The following SLC6A9 variants were observed in gnomAD, a reference collection of about 807,000 sequenced individuals.
SLC6A9 encodes the protein sodium- and chloride-dependent glycine transporter 1.
In SLC6A9, 31 loss-of-function variants were observed where a neutral mutation model predicts 70.9. The observed-to-expected ratio is 0.44, with a 90% CI of 0.33 to 0.59. SLC6A9 has a LOEUF of 0.59. Among genes scored for constraint, SLC6A9 ranks in the 20% least tolerant of loss-of-function variants. SLC6A9 has a pLI of 0.04. For missense variants in SLC6A9, 631 were observed against 845.2 expected, an observed-to-expected ratio of 0.75 and a Z score of 3.14; for synonymous variants, 310 against 341.3, an observed-to-expected ratio of 0.91 and a Z score of 1.01.
chr1:44,028,874 T>G (rs931753738), intron 1 of SLC6A9, among the ~76,000 whole-genome samples: 24 of 151,114 alleles, frequency 1.6e-4, no homozygotes, highest in Non-Finnish European at 3.2e-4. Context: ...GTTAGGAAGG[T>G]GACAATAGGG....
intron 2 of SLC6A9, among the ~76,000 whole-genome samples, chr1:44,021,434 T>C (rs770789804): frequency 2.0e-5 from 3 of 152,150 alleles, no homozygotes; most frequent in African/African-American, 4.8e-5. Flanking sequence ...TTGTTACCCA[T>C]GGGGCACTGG....
rs192630770 is a variant in SLC6A9, at chr1:44,008,545, T to A, written c.398A>T (p.Tyr133Phe). 8.2e-5 allele frequency: 133 copies of A among 1,613,722 alleles called. No individual in the cohort carries two copies. In the East Asian group the frequency reaches 2.8e-3, roughly 34 times the overall value. ...CACGTGCGTCATGGACGAGAAGAAG[T>A]AGTAGAAGGCGATGCAGATGACCAC... ...YNVVICIAFYYFFSSMTHVLP... is the reference protein window; with the variant it reads ...YNVVICIAFYFFFSSMTHVLP... Residue 133 changes from tyrosine to phenylalanine, a missense_variant, in exon 5 of 14, where the codon TAC becomes TTC. By Grantham distance (22) the Tyr-to-Phe change is conservative (BLOSUM62 3). Coordinates refer to ENST00000372310, the MANE Select transcript of SLC6A9 (RefSeq NM_001024845.3).
intron 1 of SLC6A9, among the ~76,000 whole-genome samples, chr1:44,027,661 C>T (rs1225852923): frequency 6.6e-6 from 1 of 152,198 alleles, no homozygotes; most frequent in Non-Finnish European, 1.5e-5. Context: ...AAGAGTTAAA[C>T]CAATGACTAA....
At chr1:44,023,619 G>A (rs1318282713) in intron 2 of SLC6A9, among the ~76,000 whole-genome samples, 1 of 152,058 alleles carries the variant, frequency 6.6e-6, no homozygotes, top group African/African-American at 2.4e-5. Context: ...ACTCTAGCCT[G>A]GGCAACAGAG....
chr1:44,000,858 T>G lies in SLC6A9; in HGVS notation c.1445A>C (p.Asn482Thr). The G allele has an allele frequency of 6.2e-7, 1 of 1,608,868 alleles. No individual in the cohort carries two copies. The highest frequency in any genetic ancestry group is 8.5e-7 in the Non-Finnish European group (1 of 1,177,448). Residue 482 changes from asparagine to threonine, a missense_variant, in exon 12 of 14, where the codon AAC (asparagine) becomes ACC (threonine). Transcript: ENST00000372310. Reference sequence around the variant, plus strand: ...CATCATCTGGATGTCCTGGAAGTAGTTCCGGTGCCCTGGAGAGATGGGGGG... The same window carrying G: ...CATCATCTGGATGTCCTGGAAGTAGGTCCGGTGCCCTGGAGAGATGGGGGG... Reference protein sequence around the residue: ...VAIMYIYGHRNYFQDIQMMLG... With the variant: ...VAIMYIYGHRTYFQDIQMMLG...
At chr1:44,006,765 T>C (rs544859791) in intron 5 of SLC6A9, among the ~76,000 whole-genome samples, 2 of 152,304 alleles carry the variant, frequency 1.3e-5, no homozygotes, top group East Asian at 3.9e-4. Context: ...AGCAACTGTG[T>C]TCTCTATGCT....
chr1:44,002,800 G>A lies in SLC6A9; in HGVS notation c.723+53C>T. The A allele has an allele frequency of 6.2e-7, 1 of 1,609,012 alleles. No homozygotes were observed. Among genetic ancestry groups the A allele is most frequent in the African/African-American group, 1.3e-5 (1 of 74,912 alleles). On this transcript the variant is annotated intron_variant, in intron 6 of 13. Coordinates refer to ENST00000372310, the MANE Select transcript of SLC6A9 (RefSeq NM_001024845.3). This position sits in a 1 kb window ranked among gnomAD's most constrained non-coding sequence, Gnocchi z 5.5. ...CTGCAATACACACATAACCCAGGTA[G>A]GGGGCAGGGTCTTTCTGGGTGGGCA...
At chr1:44,004,958 C>A (rs996723839) in intron 5 of SLC6A9, among the ~76,000 whole-genome samples, 30 of 152,206 alleles carry the variant, frequency 2.0e-4, no homozygotes, top group African/African-American at 7.0e-4. Flanking sequence ...AGAACAGGAC[C>A]CTCAGGAACA....
rs557225450 is a variant in SLC6A9 at position 44,002,043 on chromosome 1, C to T, written c.962+270G>A. ...AAGCACTGAGCCTGGCCCCCAACTC[C>T]TTTTCTGGTCTGTTCTGGGCATTTT... On this transcript the variant is annotated intron_variant, in intron 8 of 13. Coordinates refer to ENST00000372310, the MANE Select transcript of SLC6A9 (RefSeq NM_001024845.3). The surrounding 1 kb of genome is among the most constrained non-coding windows in gnomAD (Gnocchi z 5.5). 6.6e-6 allele frequency among the ~76,000 whole-genome samples: 1 copy of T among 152,278 alleles called. No homozygotes were observed. The highest frequency in any genetic ancestry group is 2.4e-5 in the African/African-American group (1 of 41,570).
In SLC6A9 at chr1:43,997,176, G is replaced by A. The variant is rs1022982529; in HGVS notation, c.*369C>T. 3 of 258,064 alleles carry A rather than the reference G, an allele frequency of 1.2e-5. No individual in the cohort carries two copies. The highest frequency in any genetic ancestry group is 6.9e-5 in the African/African-American group (3 of 43,234). 16.0% of individuals were successfully genotyped at this position (258,064 alleles called of 1,614,324 possible). A position where few individuals can be genotyped will look rare whatever the true frequency, so the allele number is the denominator to read the frequency against. ...AGGCTGGGGTCGGCTCTGAGGGCAG[G>A]AGCACTAGTCATGGGGCTGGAGGCC... On this transcript the variant is annotated 3_prime_UTR_variant, in exon 14 of 14. Transcript: ENST00000372310. The surrounding 1 kb of genome is among the most constrained non-coding windows in gnomAD (Gnocchi z 4.4).
chr1:44,004,158 C>T (rs566771971), intron 5 of SLC6A9, among the ~76,000 whole-genome samples: 2 of 152,034 alleles, frequency 1.3e-5, no homozygotes, highest in South Asian at 2.1e-4. Context: ...ATACGCTGGG[C>T]TAATTTTTGT....
rs34308293 is a variant in SLC6A9 at position 44,003,748 on chromosome 1, C to CAA, written c.591-765_591-764dup. Among the ~76,000 whole-genome samples the CAA allele has an allele frequency of 5.7e-3, 407 of 71,862 alleles. 3 individuals carry two copies. The highest frequency in any genetic ancestry group is 0.042 in the East Asian group (104 of 2,494). 47.1% of individuals were successfully genotyped at this position (71,862 alleles called of 152,430 possible). ...GGGCAACAAAGCAAAAGTCCAATCT[C>CAA]AAAAAAAAAAAAAAAAAAAAAAAAG... On this transcript the variant is annotated intron_variant, in intron 5 of 13. Coordinates refer to ENST00000372310, the MANE Select transcript of SLC6A9 (RefSeq NM_001024845.3).
rs1306273422 is a variant in SLC6A9, at chr1:44,017,060, G to A, written c.31-6178C>T. ...AAGGTGACTGACCTGTTCTGGGGAA[G>A]AGGGGGCCACAGGTCCATGAGCCGC... On this transcript the variant is annotated intron_variant, in intron 2 of 13. Coordinates refer to ENST00000372310, the MANE Select transcript of SLC6A9 (RefSeq NM_001024845.3). 6.3e-7 allele frequency: 1 copy of A among 1,599,692 alleles called. No individual in the cohort carries two copies. Among genetic ancestry groups the A allele is most frequent in the Non-Finnish European group, 8.5e-7 (1 of 1,174,856 alleles).
At chr1:43,998,097 G>T (rs1011797988) in intron 12 of SLC6A9, 72 bp from the exon 13 acceptor site, 6 of 1,392,790 alleles carry the variant, frequency 4.3e-6, no homozygotes, top group Non-Finnish European at 5.9e-6. Flanking sequence ...CCCTCTACCA[G>T]CACCCTTTCC....
intron 2 of SLC6A9, chr1:44,017,397 AC>A (rs1308363557): frequency 2.5e-5 from 30 of 1,222,454 alleles, no homozygotes; most frequent in Non-Finnish European, 3.0e-5. Context: ...ACACACACAC[AC>A]ACACACACAC....
chr1:44,004,457 C>T (rs1283858790), intron 5 of SLC6A9, among the ~76,000 whole-genome samples: 2 of 151,290 alleles, frequency 1.3e-5, no homozygotes, highest in African/African-American at 4.9e-5. Flanking sequence ...TCGATCCTCC[C>T]ACCTCAGCCT....
At chr1:43,998,941 A>T (rs1481195041) in intron 12 of SLC6A9, among the ~76,000 whole-genome samples, 1 of 123,096 alleles carries the variant, frequency 8.1e-6, no homozygotes, top group East Asian at 2.6e-4. Flanking sequence ...GCAGAAACAC[A>T]GGCAGTGGCT....
chr1:44,007,147 T>C (rs1174129165), intron 5 of SLC6A9, among the ~76,000 whole-genome samples: 1 of 152,140 alleles, frequency 6.6e-6, no homozygotes, highest in African/African-American at 2.4e-5. Flanking sequence ...CTCTCCCTTC[T>C]CTGGGAAGCT....
intron 5 of SLC6A9, among the ~76,000 whole-genome samples, chr1:44,005,701 A>G (rs538565243): frequency 1.3e-5 from 2 of 152,340 alleles, no homozygotes; most frequent in South Asian, 4.1e-4. Context: ...GAAAATATGG[A>G]TACTAATATC....
Sources: allele counts gnomAD v4.1 joint callset (sites outside exome capture counted in the v4.1 genomes callset), GRCh38; gene constraint gnomAD v4.1.1; non-coding constraint Gnocchi (gnomAD v3.1); transcripts MANE v1.5; gene names NCBI Gene and HGNC (gene_info 2026-07-23, HGNC 2026-07-21).